GPC5: variants seen among roughly 807,000 people sequenced by gnomAD.
GPC5 encodes the protein glypican 5, also known as glypican-5.
A neutral mutation model predicts 53.9 loss-of-function variants in GPC5; 47 were observed. The ratio of observed to expected loss-of-function variants is 0.87; its 90% CI spans 0.69 to 1.11. GPC5 has a LOEUF of 1.11. Among genes scored for constraint, GPC5 ranks in the 50% most tolerant of loss-of-function variants. The pLI, the probability that GPC5 is intolerant of heterozygous loss-of-function variation, is 0.00. For missense variants in GPC5, 748 were observed against 713.1 expected (o/e 1.05, Z -0.56); for synonymous variants, 286 against 263.3 (o/e 1.09, Z -0.84).
chr13:92,384,026 T>TA (rs917792251), intron 7 of GPC5, among the ~76,000 whole-genome samples: 4 of 152,122 alleles, frequency 2.6e-5, no homozygotes, highest in Non-Finnish European at 5.9e-5. Context: ...GTTTGAAAGT[T>TA]AAAAAATACA....
intron 5 of GPC5, among the ~76,000 whole-genome samples, chr13:91,882,973 A>C (rs2039283597): frequency 6.6e-6 from 1 of 152,090 alleles, no homozygotes; most frequent in Non-Finnish European, 1.5e-5. Flanking sequence ...ACCCAAATTT[A>C]ATAAGGTAAA....
At chr13:91,832,749 A>G (rs1594604171) in intron 5 of GPC5, among the ~76,000 whole-genome samples, 4 of 152,292 alleles carry the variant, frequency 2.6e-5, no homozygotes, top group Middle Eastern at 6.8e-3. Flanking sequence ...AGCAGTGTTT[A>G]GAGGGAAATT....
At chr13:91,647,489 A>G (rs1460276124) in intron 2 of GPC5, among the ~76,000 whole-genome samples, 1 of 152,352 alleles carries the variant, frequency 6.6e-6, no homozygotes, top group South Asian at 2.1e-4. Context: ...CTGAGGGCCC[A>G]GGCCCAGAGC....
At chr13:92,170,668 G>A (rs1278446839) in intron 7 of GPC5, among the ~76,000 whole-genome samples, 6 of 151,856 alleles carry the variant, frequency 4.0e-5, no homozygotes, top group Admixed American at 2.0e-4. Flanking sequence ...CAGGTGATCC[G>A]CCTGCCTCAA....
chr13:92,787,620 C>T (rs1161773012), intron 7 of GPC5, among the ~76,000 whole-genome samples: 1 of 136,388 alleles, frequency 7.3e-6, no homozygotes, highest in East Asian at 2.1e-4. Flanking sequence ...TCACTTTGAG[C>T]TCAGGAGTTT....
chr13:92,006,673 T>A (rs913405003), intron 6 of GPC5, among the ~76,000 whole-genome samples: 1 of 152,168 alleles, frequency 6.6e-6, no homozygotes, highest in Non-Finnish European at 1.5e-5. Flanking sequence ...TACCAAGATC[T>A]TACAATCAAA....
At chr13:91,945,982 T>C (rs935801503) in intron 6 of GPC5, among the ~76,000 whole-genome samples, 10 of 152,170 alleles carry the variant, frequency 6.6e-5, no homozygotes, top group Admixed American at 2.0e-4. Flanking sequence ...ACTCCTATCT[T>C]GTTGGCACTT....
intron 7 of GPC5, among the ~76,000 whole-genome samples, chr13:92,170,655 C>A (rs1175439848): frequency 6.6e-6 from 1 of 151,952 alleles, no homozygotes; most frequent in Non-Finnish European, 1.5e-5. Context: ...GAACTCGTGA[C>A]CTCAGGTGAT....
intron 7 of GPC5, among the ~76,000 whole-genome samples, chr13:92,561,160 G>T (rs1447936007): frequency 6.6e-6 from 1 of 151,830 alleles, no homozygotes; most frequent in Non-Finnish European, 1.5e-5. Flanking sequence ...AACATAATAT[G>T]CACAGTCTAC....
chr13:91,838,393 CACCCCT>C (rs2038746211), intron 5 of GPC5, among the ~76,000 whole-genome samples: 1 of 152,052 alleles, frequency 6.6e-6, no homozygotes, highest in African/African-American at 2.4e-5. Context: ...ATTTTCATAA[CACCCCT>C]ACAGAAGAAC....
intron 7 of GPC5, among the ~76,000 whole-genome samples, chr13:92,745,494 GTTTTA>G (rs1876221484): frequency 6.6e-6 from 1 of 152,072 alleles, no homozygotes; most frequent in African/African-American, 2.4e-5. Context: ...GGACTCCCAT[GTTTTA>G]TAGATACTTG....
rs1228842481 is a variant in GPC5 at position 92,194,300 on chromosome 13, G to A, written c.1561+49311G>A. ...AATAGTGAGTACCTCCGACTCCAGA[G>A]CAACACTCAGGACATGACAATGTTC... is the stretch of plus-strand genomic sequence containing the variant. On this transcript the variant is annotated intron_variant, in intron 7 of 7. Transcript: ENST00000377067. 4.6e-5 allele frequency among the ~76,000 whole-genome samples: 7 copies of A among 152,180 alleles called. No individual in the cohort carries two copies. The South Asian group carries it at 1.2e-3, about 27-fold the overall frequency.
At chr13:91,415,790 A>T (rs989025854) in intron 1 of GPC5, among the ~76,000 whole-genome samples, 1 of 152,104 alleles carries the variant, frequency 6.6e-6, no homozygotes, top group Non-Finnish European at 1.5e-5. Context: ...CTATCTATTT[A>T]ACCAAATGTA....
chr13:91,599,468 C>T (rs962164733), intron 2 of GPC5, among the ~76,000 whole-genome samples: 3 of 152,020 alleles, frequency 2.0e-5, no homozygotes, highest in Non-Finnish European at 4.4e-5. Context: ...TAAACATCAT[C>T]ATTAAAAAAA....
At chr13:92,630,821 C>CT (rs1417052216) in intron 7 of GPC5, among the ~76,000 whole-genome samples, 11 of 152,100 alleles carry the variant, frequency 7.2e-5, no homozygotes, top group African/African-American at 2.4e-4. Context: ...TATGTCAGTC[C>CT]TTATATACTT....
At chr13:92,024,792 T>A (rs1182465458) in intron 6 of GPC5, among the ~76,000 whole-genome samples, 8 of 152,190 alleles carry the variant, frequency 5.3e-5, no homozygotes, top group Admixed American at 4.6e-4. Context: ...GTAATACACA[T>A]AAATCATACA....
intron 6 of GPC5, among the ~76,000 whole-genome samples, chr13:91,979,663 A>G (rs1459956307): frequency 1.3e-5 from 2 of 152,236 alleles, no homozygotes; most frequent in Admixed American, 6.5e-5. Flanking sequence ...ACATGATCAT[A>G]TTCCTGCGGC....
intron 7 of GPC5, among the ~76,000 whole-genome samples, chr13:92,487,346 C>G (rs1879592776): frequency 3.3e-5 from 5 of 152,086 alleles, no homozygotes; most frequent in Admixed American, 3.3e-4. Flanking sequence ...CAATGGAGCC[C>G]TATACAACTG....
intron 2 of GPC5, among the ~76,000 whole-genome samples, chr13:91,471,376 A>G (rs1209635265): frequency 6.6e-6 from 1 of 152,082 alleles, no homozygotes; most frequent in Non-Finnish European, 1.5e-5. Flanking sequence ...CATGCATTTA[A>G]TACATTTAAT....
Sources: gnomAD v4.1 joint callset for allele counts (sites outside exome capture counted in the v4.1 genomes callset) on GRCh38, gnomAD v4.1.1 for gene constraint, MANE v1.5 for transcripts, NCBI Gene and HGNC (gene_info 2026-07-23, HGNC 2026-07-21) for gene names.